SLC4A1AP: variants seen among roughly 807,000 people sequenced by gnomAD.
SLC4A1AP encodes solute carrier family 4 member 1 adaptor protein.
A neutral mutation model predicts 89.7 loss-of-function variants in SLC4A1AP; 64 were observed. The observed-to-expected ratio is 0.71, with a 90% CI of 0.58 to 0.88. The LOEUF is 0.88. SLC4A1AP is among the 40% of genes least tolerant of loss of function. The pLI is 0.00. For missense variants in SLC4A1AP, 931 were observed against 965.0 expected (o/e 0.96, Z 0.47); for synonymous variants, 366 against 353.3 (o/e 1.04, Z -0.40).
intron 5 of SLC4A1AP, among the ~76,000 whole-genome samples, chr2:27,674,123 C>T (rs1273224306): frequency 6.6e-6 from 1 of 152,062 alleles, no homozygotes; most frequent in East Asian, 1.9e-4. Context: ...CAGCCCTGAA[C>T]TTAACAGTCT....
chr2:27,671,515 A>G (rs1406642003), intron 5 of SLC4A1AP, among the ~76,000 whole-genome samples: 1 of 152,028 alleles, frequency 6.6e-6, no homozygotes, highest in Non-Finnish European at 1.5e-5. Flanking sequence ...ATCAGTTCTG[A>G]TTTGTTTTGG....
intron 2 of SLC4A1AP, 110 bp downstream of exon 2, chr2:27,665,405 A>G (rs1675299362): frequency 6.7e-6 from 6 of 894,040 alleles, no homozygotes; most frequent in Non-Finnish European, 9.9e-6. Context: ...TGAGATAGAT[A>G]GGGCAAACAC....
At chr2:27,673,466 T>TCCTTCCTC (rs1675464692) in intron 5 of SLC4A1AP, among the ~76,000 whole-genome samples, 1 of 118,662 alleles carries the variant, frequency 8.4e-6, no homozygotes, top group Admixed American at 1.0e-4. Context: ...CTTCCTTCTT[T>TCCTTCCTC]CCTTCCTCCC....
chr2:27,674,113 C>T (rs919182159), intron 5 of SLC4A1AP, among the ~76,000 whole-genome samples: 1 of 152,052 alleles, frequency 6.6e-6, no homozygotes, highest in Non-Finnish European at 1.5e-5. Flanking sequence ...TGATTGCTTA[C>T]AGCCCTGAAC....
At chr2:27,665,123 A>G (rs1158537984) in exon 2 of SLC4A1AP, 1 of 1,612,302 alleles carries the variant, frequency 6.2e-7, no homozygotes, top group South Asian at 1.1e-5. Context: ...ACCGAGAGGC[A>G]GAATCCGAGT....
rs182755840 is a variant in SLC4A1AP, at chr2:27,664,553, C to T, written c.801C>T (p.Gly267=). 7 of 1,611,890 alleles carry T rather than the reference C, an allele frequency of 4.3e-6. No homozygotes were observed. In the African/African-American group the frequency reaches 5.3e-5, roughly 12 times the overall value. ...TTGGGCATGTTGTTCGCTTTGGAGG[C>T]AGCACCCGGCTCTTTATCCTGCAGG... The change falls in exon 1 of 14, where the codon GGC becomes GGT. Residue 267 remains glycine (G), a synonymous_variant. Transcript: ENST00000613058.
intron 3 of SLC4A1AP, among the ~76,000 whole-genome samples, chr2:27,667,813 T>C (rs1039844017): frequency 3.2e-4 from 49 of 151,788 alleles, no homozygotes; most frequent in African/African-American, 1.2e-3. Context: ...AGGATTGTTT[T>C]GGTAGGAATA....
intron 5 of SLC4A1AP, among the ~76,000 whole-genome samples, chr2:27,673,656 G>A (rs1459649065): frequency 6.6e-6 from 1 of 152,036 alleles, no homozygotes; most frequent in African/African-American, 2.4e-5. Flanking sequence ...TTTTAGTAAA[G>A]GCAAGGTCTT....
intron 5 of SLC4A1AP, among the ~76,000 whole-genome samples, chr2:27,671,991 T>G (rs1222853199): frequency 6.6e-6 from 1 of 152,248 alleles, no homozygotes; most frequent in African/African-American, 2.4e-5. Context: ...TTATTTTACA[T>G]TCAGTGTTGC....
intron 8 of SLC4A1AP, 106 bp downstream of exon 8, chr2:27,678,030 A>G: frequency 1.3e-6 from 1 of 750,464 alleles, no homozygotes; most frequent in Admixed American, 3.6e-5. Flanking sequence ...TACAAATGTA[A>G]TGCAAGGAAC....
intron 12 of SLC4A1AP, among the ~76,000 whole-genome samples, chr2:27,688,983 A>G (rs1444525283): frequency 6.6e-6 from 1 of 152,166 alleles, no homozygotes; most frequent in Non-Finnish European, 1.5e-5. Context: ...CTCTTTTATT[A>G]GTTTATGAAT....
Position 27,665,315 on chromosome 2 carries a change from G to C in SLC4A1AP, c.1021+20G>C. The C allele has an allele frequency of 1.3e-6, 2 of 1,569,292 alleles. No homozygotes were observed. Among genetic ancestry groups the C allele is most frequent in the Non-Finnish European group, 1.7e-6 (2 of 1,159,424 alleles). Reference sequence around the variant, plus strand: ...GAATGGGTAAGAAATTAAAATTGCTGCCGGAGGTTAATATTTTAAGTTCAT... The same window carrying C: ...GAATGGGTAAGAAATTAAAATTGCTCCCGGAGGTTAATATTTTAAGTTCAT... On this transcript the variant is annotated intron_variant, in intron 2 of 13. Transcript: ENST00000613058.
intron 9 of SLC4A1AP, among the ~76,000 whole-genome samples, chr2:27,684,447 T>C (rs1056909512): frequency 1.3e-5 from 2 of 151,028 alleles, no homozygotes; most frequent in Admixed American, 1.3e-4. Context: ...AAAAAAAAGA[T>C]ATAACCAAGA....
At chr2:27,671,583 G>A (rs940920547) in intron 5 of SLC4A1AP, among the ~76,000 whole-genome samples, 1 of 152,172 alleles carries the variant, frequency 6.6e-6, no homozygotes, top group African/African-American at 2.4e-5. Context: ...CTGCAGATCT[G>A]CTACAGAACT....
rs151062815 is a variant in SLC4A1AP, at chr2:27,668,602, A to G, written c.1145-241A>G. 6.1e-6 allele frequency: 4 copies of G among 657,340 alleles called. No homozygotes were observed. The East Asian group carries it at 1.2e-4, about 20-fold the overall frequency. 40.7% of individuals were successfully genotyped at this position (657,340 alleles called of 1,614,324 possible). ...GTAGCTGGGACAAAAGTCACGTACC[A>G]TCATGCCCGGCTAATTTCTGTATTT... On this transcript the variant is annotated intron_variant, in intron 3 of 13. Transcript: ENST00000613058.
intron 8 of SLC4A1AP, 129 bp from the exon 9 acceptor site, chr2:27,682,119 A>G (rs1479349453): frequency 1.6e-6 from 1 of 612,910 alleles, no homozygotes; most frequent in South Asian, 2.1e-5. Flanking sequence ...TCTTATTGTT[A>G]TATGCTTAGA....
At chr2:27,683,997 A>G (rs909086854) in intron 9 of SLC4A1AP, among the ~76,000 whole-genome samples, 11 of 151,834 alleles carry the variant, frequency 7.2e-5, no homozygotes, top group African/African-American at 2.7e-4. Context: ...CGGCCTCACT[A>G]TGTATTCTGA....
exon 12 of SLC4A1AP, chr2:27,688,725 C>T (rs780856889): frequency 2.5e-6 from 4 of 1,603,720 alleles, no homozygotes; most frequent in East Asian, 4.5e-5. Flanking sequence ...ATGAGAAAAG[C>T]AGAGGTGAAT....
At chr2:27,683,403 TCA>T (rs2148138130) in intron 9 of SLC4A1AP, among the ~76,000 whole-genome samples, 1 of 152,298 alleles carries the variant, frequency 6.6e-6, no homozygotes, top group African/African-American at 2.4e-5. Context: ...ATTTATTTGT[TCA>T]CAGTTGCCAG....
Sources: allele counts gnomAD v4.1 joint callset (sites outside exome capture counted in the v4.1 genomes callset), GRCh38; gene constraint gnomAD v4.1.1; transcripts MANE v1.5; gene names NCBI Gene and HGNC (gene_info 2026-07-23, HGNC 2026-07-21).